TRPS1: variants seen among roughly 807,000 people sequenced by gnomAD.
TRPS1 encodes the protein zinc finger transcription factor Trps1.
A neutral mutation model predicts 101.2 loss-of-function variants in TRPS1; 6 were observed. The observed-to-expected ratio is 0.06, with a 90% CI of 0.03 to 0.12. The LOEUF is 0.12. TRPS1 is among the 10% of genes least tolerant of loss of function. The pLI, the probability that TRPS1 is intolerant of heterozygous loss-of-function variation, is 1.00. For synonymous variants in TRPS1, 578 were observed against 589.8 expected (o/e 0.98, Z 0.29); for missense variants, 1,363 against 1,567.0 (o/e 0.87, Z 2.20).
chr8:115,580,945 A>G (rs2130427169), intron 5 of TRPS1, among the ~76,000 whole-genome samples: 1 of 152,166 alleles, frequency 6.6e-6, no homozygotes, highest in East Asian at 1.9e-4. Context: ...AGACACCTGT[A>G]CCCCCATGTT....
intron 5 of TRPS1, among the ~76,000 whole-genome samples, chr8:115,508,443 G>A (rs976579752): frequency 7.9e-5 from 12 of 152,156 alleles, no homozygotes; most frequent in African/African-American, 2.6e-4. Context: ...CCGAGGAAAC[G>A]AATGTGCACT....
At position 115,582,246 on chromosome 8, in the gene TRPS1, A is replaced by T. The variant is rs150475572; in HGVS notation, c.2700+4755T>A. 8.3e-4 allele frequency among the ~76,000 whole-genome samples: 126 copies of T among 152,268 alleles called. 2 individuals carry two copies. In the East Asian group the frequency reaches 0.01, roughly 12 times the overall value. The stretch of plus-strand genomic sequence containing the variant: ...AGCAAAACAATGAATATCACTTTTC[A>T]CTTCAGACCATCTTTAGTTAAAAAA... On this transcript the variant is annotated intron_variant, in intron 5 of 6. Transcript: ENST00000395715.
intron 1 of TRPS1, among the ~76,000 whole-genome samples, chr8:115,641,197 A>G (rs1818886856): frequency 6.6e-6 from 1 of 152,248 alleles, no homozygotes; most frequent in Admixed American, 6.5e-5. Flanking sequence ...TAGAATCAGC[A>G]TATGGGAATT....
At chr8:115,448,682 T>A (rs1813796606) in intron 5 of TRPS1, among the ~76,000 whole-genome samples, 1 of 152,194 alleles carries the variant, frequency 6.6e-6, no homozygotes, top group Admixed American at 6.5e-5. Flanking sequence ...TCAAGTATGT[T>A]CTATAGGAAC....
intron 4 of TRPS1, among the ~76,000 whole-genome samples, chr8:115,594,887 GT>G (rs1224183105): frequency 6.6e-6 from 1 of 151,142 alleles, no homozygotes; most frequent in Non-Finnish European, 1.5e-5. Context: ...GGGATGCCTT[GT>G]TTTTTTTCTT....
chr8:115,520,123 T>TA (rs112486915), intron 5 of TRPS1, among the ~76,000 whole-genome samples: 6,362 of 151,418 alleles, frequency 0.042, 444 homozygotes, highest in African/African-American at 0.15. Context: ...GGAACCACTT[T>TA]AAAAAAAACA....
At chr8:115,599,672 T>G (rs1422871439) in intron 4 of TRPS1, among the ~76,000 whole-genome samples, 2 of 152,144 alleles carry the variant, frequency 1.3e-5, no homozygotes, top group Non-Finnish European at 2.9e-5. Context: ...GGACACCAAC[T>G]CGTTTTTTTA....
intron 5 of TRPS1, among the ~76,000 whole-genome samples, chr8:115,493,396 C>T (rs1815075198): frequency 6.6e-6 from 1 of 152,136 alleles, no homozygotes; most frequent in South Asian, 2.1e-4. Context: ...CTCCTGTTGC[C>T]CAGGCTGAGG....
At chr8:115,419,981 G>C (rs1294602988) in intron 5 of TRPS1, among the ~76,000 whole-genome samples, 1 of 152,186 alleles carries the variant, frequency 6.6e-6, no homozygotes, top group African/African-American at 2.4e-5. Flanking sequence ...TCTGAAATGA[G>C]AGCAATAACT....
chr8:115,575,445 G>A (rs1817296809), intron 5 of TRPS1, among the ~76,000 whole-genome samples: 1 of 152,090 alleles, frequency 6.6e-6, no homozygotes, highest in Admixed American at 6.6e-5. Flanking sequence ...GTGTGTCTGT[G>A]TCCAGAAGTA....
chr8:115,524,036 T>C (rs970750090), intron 5 of TRPS1, among the ~76,000 whole-genome samples: 31 of 152,092 alleles, frequency 2.0e-4, no homozygotes, highest in African/African-American at 6.0e-4. Flanking sequence ...GTCCAGAAAA[T>C]TGTTTTTTGG....
intron 5 of TRPS1, among the ~76,000 whole-genome samples, chr8:115,450,994 C>T (rs369164104): frequency 6.6e-6 from 1 of 152,126 alleles, no homozygotes; most frequent in Admixed American, 6.5e-5. Context: ...CAAAAGTGTA[C>T]AAAAGGGTGG....
chr8:115,620,771 A>T (rs2130536248), intron 2 of TRPS1, among the ~76,000 whole-genome samples: 1 of 152,326 alleles, frequency 6.6e-6, no homozygotes, highest in Middle Eastern at 3.4e-3. Flanking sequence ...AAGTCAGAAG[A>T]AAGACCTGCT....
intron 5 of TRPS1, among the ~76,000 whole-genome samples, chr8:115,506,307 T>G (rs149036584): frequency 2.0e-4 from 31 of 152,090 alleles, no homozygotes; most frequent in African/African-American, 6.7e-4. Context: ...GCTCAGCAAA[T>G]TAAGCTCTGA....
intron 5 of TRPS1, among the ~76,000 whole-genome samples, chr8:115,550,764 T>C (rs1816685634): frequency 6.6e-6 from 1 of 152,222 alleles, no homozygotes; most frequent in African/African-American, 2.4e-5. Flanking sequence ...CCTGCAAGTC[T>C]CTTCTGCACC....
intron 1 of TRPS1, among the ~76,000 whole-genome samples, chr8:115,645,020 A>G (rs1300545063): frequency 1.3e-5 from 2 of 152,210 alleles, no homozygotes; most frequent in African/African-American, 4.8e-5. Flanking sequence ...ATATAATATA[A>G]TAACAATGAA....
chr8:115,474,342 T>TAA (rs964065492), intron 5 of TRPS1, among the ~76,000 whole-genome samples: 2 of 151,908 alleles, frequency 1.3e-5, no homozygotes, highest in South Asian at 4.1e-4. Context: ...TTTAGGACTA[T>TAA]AAAAAAAATT....
intron 5 of TRPS1, chr8:115,515,296 C>G (rs774108412): frequency 2.9e-6 from 2 of 696,692 alleles, no homozygotes; most frequent in South Asian, 3.0e-5. Flanking sequence ...AATGCAGTAA[C>G]ACGAAGAAGT....
At chr8:115,476,005 CTTTTTTTTTT>C (rs1169514340) in intron 5 of TRPS1, among the ~76,000 whole-genome samples, 17 of 40,710 alleles carry the variant, frequency 4.2e-4, no homozygotes, top group Non-Finnish European at 6.4e-4. Flanking sequence ...AATATACTTT[CTTTTTTTTTT>C]TTTTTTTTTT....
Sources: gnomAD v4.1 joint callset for allele counts (sites outside exome capture counted in the v4.1 genomes callset) on GRCh38, gnomAD v4.1.1 for gene constraint, MANE v1.5 for transcripts, NCBI Gene and HGNC (gene_info 2026-07-23, HGNC 2026-07-21) for gene names.